IBA57: variants seen among roughly 807,000 people sequenced by gnomAD.
IBA57 encodes the protein iron-sulfur cluster assembly factor IBA57, also known as iron-sulfur cluster assembly factor IBA57, mitochondrial.
Under a neutral mutation model 20.4 loss-of-function variants are expected in IBA57, and 20 were observed. The ratio of observed to expected loss-of-function variants is 0.98; its 90% CI spans 0.69 to 1.42. The LOEUF (loss-of-function observed/expected upper bound fraction) is 1.42. Among genes scored for constraint, IBA57 ranks in the 40% most tolerant of loss-of-function variants. The pLI is 0.00. For synonymous variants in IBA57, 310 were observed against 233.9 expected (o/e 1.33, Z -2.97); for missense variants, 608 against 499.3 (o/e 1.22, Z -2.07).
chr1:228,169,542 C>CCAACTG (rs1219224905), intron 1 of IBA57, among the ~76,000 whole-genome samples: 1 of 152,190 alleles, frequency 6.6e-6, no homozygotes, highest in East Asian at 1.9e-4. Context: ...CCTCTGTTGA[C>CCAACTG]ATGCCATCAT....
chr1:228,170,800 G>A lies in IBA57; in HGVS notation c.342-3892G>A, dbSNP rs2034913363. ...GTGTCTGGCCAGCACTGAGGAGCAG[G>A]AGAGACTTGTCAGGCCTCTGGTGGC... is the stretch of plus-strand genomic sequence containing the variant. On this transcript the variant is annotated intron_variant, in intron 1 of 2. Transcript: ENST00000366711. The surrounding 1 kb of genome is among the most constrained non-coding windows in gnomAD (Gnocchi z 4.8). 6.6e-6 allele frequency among the ~76,000 whole-genome samples: 1 copy of A among 152,214 alleles called. No homozygotes were observed. Among genetic ancestry groups the A allele is most frequent in the African/African-American group, 2.4e-5 (1 of 41,462 alleles).
chr1:228,174,102 G>T (rs868432070), intron 1 of IBA57, among the ~76,000 whole-genome samples: 1 of 152,124 alleles, frequency 6.6e-6, no homozygotes, highest in Non-Finnish European at 1.5e-5. Flanking sequence ...GGGAGGTGCT[G>T]CCTGGTGTGG....
In IBA57 at chr1:228,181,509, C is replaced by T. The variant is rs190890404; in HGVS notation, c.*5996C>T. 1 of 152,372 alleles carries T rather than the reference C, an allele frequency of 6.6e-6. No individual in the cohort carries two copies. The highest frequency in any genetic ancestry group is 1.9e-4 in the East Asian group (1 of 5,190). 9.4% of individuals were successfully genotyped at this position (152,372 alleles called of 1,614,324 possible). A position where few individuals can be genotyped will look rare whatever the true frequency, so the allele number is the denominator to read the frequency against. On this transcript the variant is annotated 3_prime_UTR_variant, in exon 3 of 3. Coordinates refer to ENST00000366711, the MANE Select transcript of IBA57 (RefSeq NM_001010867.4). ...CCAATATGAGTGATGGCGACTGATT[C>T]CCTTACTTTAGCAAGCTGGGAATAA...
rs766052378 is a variant in IBA57 at position 228,170,364 on chromosome 1, G to A, written c.341+4207G>A. On this transcript the variant is annotated intron_variant, in intron 1 of 2. Coordinates refer to ENST00000366711, the MANE Select transcript of IBA57 (RefSeq NM_001010867.4). The surrounding 1 kb of genome is among the most constrained non-coding windows in gnomAD (Gnocchi z 4.8). ...TTTTATTTTTTAGACACAGGGTCTC[G>A]CTCCATTGCCCAGGCTGGAGTGCAG... 5.3e-5 allele frequency among the ~76,000 whole-genome samples: 8 copies of A among 152,052 alleles called. No homozygotes were observed. The highest frequency in any genetic ancestry group is 1.3e-4 in the Admixed American group (2 of 15,248).
rs920352607 is a variant in IBA57, at chr1:228,179,094, T to G, written c.*3581T>G. 1.3e-5 allele frequency: 2 copies of G among 151,924 alleles called. No individual in the cohort carries two copies. Among genetic ancestry groups the G allele is most frequent in the Non-Finnish European group, 2.9e-5 (2 of 67,950 alleles). 9.4% of individuals were successfully genotyped at this position (151,924 alleles called of 1,614,324 possible). A position where few individuals can be genotyped will look rare whatever the true frequency, so the allele number is the denominator to read the frequency against. Reference sequence around the variant, plus strand: ...GTCTCCCAGCCAGAAGGTGGAATTTTTTTTTTTTTTTGAGATACCAAAACA... The same window carrying G: ...GTCTCCCAGCCAGAAGGTGGAATTTGTTTTTTTTTTTGAGATACCAAAACA... On this transcript the variant is annotated 3_prime_UTR_variant, in exon 3 of 3. Transcript: ENST00000366711.
intron 1 of IBA57, 196 bp from the exon 2 acceptor site, chr1:228,174,496 G>C (rs1422826040): frequency 2.9e-6 from 1 of 341,522 alleles, no homozygotes; most frequent in Non-Finnish European, 5.1e-6. Flanking sequence ...GGCGTGGCTC[G>C]CTGTGGGCGT....
chr1:228,167,518 G>A (rs558035858), intron 1 of IBA57, among the ~76,000 whole-genome samples: 3 of 152,188 alleles, frequency 2.0e-5, no homozygotes, highest in South Asian at 4.1e-4. Flanking sequence ...CACCATGCCC[G>A]GCTAATTTTT....
intron 1 of IBA57, among the ~76,000 whole-genome samples, chr1:228,173,881 C>T (rs965705247): frequency 2.0e-5 from 3 of 152,254 alleles, no homozygotes; most frequent in African/African-American, 7.2e-5. Context: ...GGTCTGTCTG[C>T]GCTGGCCCCT....
intron 1 of IBA57, chr1:228,173,300 C>G (rs985780133): frequency 6.6e-6 from 1 of 152,062 alleles, no homozygotes; most frequent in Admixed American, 6.6e-5. Context: ...TACTACCTCC[C>G]TGTCTCAGCT....
chr1:228,175,174 G>C lies in IBA57; in HGVS notation c.732G>C (p.Glu244Asp), dbSNP rs2034993652. 2 of 1,612,798 alleles carry C rather than the reference G, an allele frequency of 1.2e-6. No individual in the cohort carries two copies. Among genetic ancestry groups the C allele is most frequent in the African/African-American group, 2.7e-5 (2 of 74,894 alleles). The change falls in exon 3 of 3, where the codon GAG becomes GAC. Residue 244 changes from glutamate (E) to aspartate (D), a missense_variant. By Grantham distance (45) the Glu-to-Asp change is conservative. Coordinates refer to ENST00000366711, the MANE Select transcript of IBA57 (RefSeq NM_001010867.4). ...CTCCTGGGGTGGCCCTGCCCCTGGA[G>C]TCCAACCTGGCCTTCATGAACGGCG... ...DLPPGVALPL[E>D]SNLAFMNGVS...
chr1:228,176,716 C>T lies in IBA57; in HGVS notation c.*1203C>T, dbSNP rs1165847497. On this transcript the variant is annotated 3_prime_UTR_variant, in exon 3 of 3. Coordinates refer to ENST00000366711, the MANE Select transcript of IBA57 (RefSeq NM_001010867.4). ...GAGCCTGTGCCGCCATCCTGGGGGG[C>T]CACAGGTGCTCTCTAGAAATCTGCA... is the stretch of plus-strand genomic sequence containing the variant. The T allele has an allele frequency of 6.6e-6, 1 of 152,350 alleles. No homozygotes were observed. Among genetic ancestry groups the T allele is most frequent in the African/African-American group, 2.4e-5 (1 of 41,460 alleles). 9.4% of individuals were successfully genotyped at this position (152,350 alleles called of 1,614,324 possible). A position where few individuals can be genotyped will look rare whatever the true frequency, so the allele number is the denominator to read the frequency against.
chr1:228,181,819 T>TTGAACGTCTTGGG lies in IBA57; in HGVS notation c.*6312_*6324dup, dbSNP rs1238475959. The TTGAACGTCTTGGG allele has an allele frequency of 1.3e-5, 2 of 152,296 alleles. No individual in the cohort carries two copies. The highest frequency in any genetic ancestry group is 2.9e-5 in the Non-Finnish European group (2 of 68,058). 9.4% of individuals were successfully genotyped at this position (152,296 alleles called of 1,614,324 possible). A position where few individuals can be genotyped will look rare whatever the true frequency, so the allele number is the denominator to read the frequency against. On this transcript the variant is annotated 3_prime_UTR_variant, in exon 3 of 3. Transcript: ENST00000366711. ...CATTTAGAGATTCAGTGTTTAAATT[T>TTGAACGTCTTGGG]TGAACGTCTTGGGTGAACACCTTGG...
Position 228,175,167 on chromosome 1 carries a change from C to G in IBA57, c.725C>G (p.Pro242Arg). 1 of 1,612,814 alleles carries G rather than the reference C, an allele frequency of 6.2e-7. No individual in the cohort carries two copies. Among genetic ancestry groups the G allele is most frequent in the East Asian group, 2.2e-5 (1 of 44,858 alleles). Residue 242 changes from proline (P) to arginine (R), a missense_variant, in exon 3 of 3, where the codon CCC becomes CGC. By Grantham distance (103) the Pro-to-Arg change is moderately radical (BLOSUM62 -2). Transcript: ENST00000366711. Reference sequence around the variant, plus strand: ...GACTTGCCTCCTGGGGTGGCCCTGCCCCTGGAGTCCAACCTGGCCTTCATG... The same window carrying G: ...GACTTGCCTCCTGGGGTGGCCCTGCGCCTGGAGTCCAACCTGGCCTTCATG... ...VRDLPPGVAL[P>R]LESNLAFMNG... is the part of the protein sequence containing the mutation.
Position 228,174,974 on chromosome 1 carries a change from G to T in IBA57, c.624G>T (p.Val208=), listed in dbSNP as rs747642779. Residue 208 remains valine (V), a synonymous_variant, in exon 2 of 3, where the codon GTG becomes GTT. Transcript: ENST00000366711. ...LLTQDEGPAL[V]PGGRLGDLWD... ...CCCAGGATGAAGGCCCAGCCCTGGTGCCCGGGGGCCGGCTCGGGGACTTGT... is the reference window on the plus strand; with the variant it reads ...CCCAGGATGAAGGCCCAGCCCTGGTTCCCGGGGGCCGGCTCGGGGACTTGT... The T allele has an allele frequency of 1.5e-5, 23 of 1,557,562 alleles. No individual in the cohort carries two copies. The highest frequency in any genetic ancestry group is 2.0e-5 in the Non-Finnish European group (23 of 1,149,352).
chr1:228,180,874 G>A lies in IBA57; in HGVS notation c.*5361G>A, dbSNP rs1284455152. 6.6e-6 allele frequency: 1 copy of A among 151,030 alleles called. No homozygotes were observed. The highest frequency in any genetic ancestry group is 6.6e-5 in the Admixed American group (1 of 15,188). 9.4% of individuals were successfully genotyped at this position (151,030 alleles called of 1,614,324 possible). ...GGTTCTCACTGCATTGCCCAGGCTG[G>A]TCTTGAATTTCTGGGCTCAGGTGAT... On this transcript the variant is annotated 3_prime_UTR_variant, in exon 3 of 3. Transcript: ENST00000366711.
chr1:228,175,410 G>A lies in IBA57; in HGVS notation c.968G>A (p.Trp323Ter). 2 of 1,612,926 alleles carry A rather than the reference G, an allele frequency of 1.2e-6. No individual in the cohort carries two copies. Among genetic ancestry groups the A allele is most frequent in the Non-Finnish European group, 1.7e-6 (2 of 1,179,948 alleles). ...GGCAACGTGGGGCTGGCCCTGCTGT[G>A]GTCAGAGAAGATCAAGGGTCCTCTG... ...GQGNVGLALL[W>*]SEKIKGPLHI... Residue 323 changes from tryptophan to a stop codon, truncating the protein, a stop_gained, in exon 3 of 3, where the codon TGG becomes TAG. Transcript: ENST00000366711. LOFTEE classifies it low-confidence loss of function (END_TRUNC).
intron 1 of IBA57, chr1:228,173,163 G>A (rs554521690): frequency 6.6e-6 from 1 of 152,570 alleles, no homozygotes; most frequent in African/African-American, 2.4e-5. Context: ...CTGCAGAGAT[G>A]AGGGCAGCAG....
chr1:228,169,601 C>T (rs2034897651), intron 1 of IBA57, among the ~76,000 whole-genome samples: 1 of 152,148 alleles, frequency 6.6e-6, no homozygotes, highest in South Asian at 2.1e-4. Context: ...TTGGTGTGTT[C>T]ATGAGTTAGG....
At chr1:228,168,031 A>G (rs2034875561) in intron 1 of IBA57, among the ~76,000 whole-genome samples, 1 of 152,068 alleles carries the variant, frequency 6.6e-6, no homozygotes. Flanking sequence ...CCTATTCTTA[A>G]TAAGTGTTTT....
Sources: allele counts gnomAD v4.1 joint callset (sites outside exome capture counted in the v4.1 genomes callset), GRCh38; gene constraint gnomAD v4.1.1; non-coding constraint Gnocchi (gnomAD v3.1); transcripts MANE v1.5; gene names NCBI Gene and HGNC (gene_info 2026-07-23, HGNC 2026-07-21).